Variants in CCDC50 observed in about 807,000 individuals in gnomAD.
CCDC50 encodes coiled-coil domain containing 50.
CCDC50 carries 54 observed loss-of-function variants against 70.2 expected under a neutral mutation model. The ratio of observed to expected loss-of-function variants is 0.77; its 90% confidence interval spans 0.62 to 0.96. CCDC50 has a LOEUF of 0.96. Among genes scored for constraint, CCDC50 ranks in the 50% least tolerant of loss-of-function variants. CCDC50 has a pLI of 0.00. For missense variants in CCDC50, 558 were observed against 578.7 expected (o/e 0.96, Z 0.37); for synonymous variants, 216 against 198.8 (o/e 1.09, Z -0.73).
At chr3:191,381,631 A>G (rs1447962811) in intron 9 of CCDC50, among the ~76,000 whole-genome samples, 2 of 152,160 alleles carry the variant, frequency 1.3e-5, no homozygotes, top group African/African-American at 4.8e-5. Flanking sequence ...ATAGTAGTGT[A>G]TAATGTAGAG....
intron 4 of CCDC50, among the ~76,000 whole-genome samples, chr3:191,366,748 A>T (rs1483187753): frequency 2.0e-5 from 3 of 151,818 alleles, no homozygotes; most frequent in Non-Finnish European, 4.4e-5. Flanking sequence ...CATGCTTTCT[A>T]TTGAAAGGTG....
At position 191,391,738 on chromosome 3, in the gene CCDC50, C is replaced by T. The variant is rs998017996; in HGVS notation, c.1430-3C>T. 8 of 1,612,876 alleles carry T rather than the reference C, an allele frequency of 5.0e-6. No individual in the cohort carries two copies. Among genetic ancestry groups the T allele is most frequent in the Non-Finnish European group, 5.9e-6 (7 of 1,179,296 alleles). On this transcript the variant is annotated splice_polypyrimidine_tract_variant and splice_region_variant and intron_variant, in intron 11 of 11. Coordinates refer to ENST00000392455, the MANE Select transcript of CCDC50 (RefSeq NM_178335.3). Reference sequence around the variant, plus strand: ...GTGTTTCCTTTTTTCTTCCCCTCCCCAGGTTTTCATTACAAACATTAAAAA... The same window carrying T: ...GTGTTTCCTTTTTTCTTCCCCTCCCTAGGTTTTCATTACAAACATTAAAAA...
Position 191,395,831 on chromosome 3 carries a change from A to G in CCDC50, c.*4071A>G, listed in dbSNP as rs944731299. The G allele has an allele frequency of 6.6e-6, 1 of 152,164 alleles. No individual in the cohort carries two copies. The highest frequency in any genetic ancestry group is 1.5e-5 in the Non-Finnish European group (1 of 68,002). 9.4% of individuals were successfully genotyped at this position (152,164 alleles called of 1,614,324 possible). A position where few individuals can be genotyped will look rare whatever the true frequency, so the allele number is the denominator to read the frequency against. On this transcript the variant is annotated 3_prime_UTR_variant, in exon 12 of 12. Transcript: ENST00000392455. ...AGAAGTGACTATATAAAATGGTCCAATTTTCTCATTTCTGGTGGTGCCTGT... is the reference window on the plus strand; with the variant it reads ...AGAAGTGACTATATAAAATGGTCCAGTTTTCTCATTTCTGGTGGTGCCTGT...
At chr3:191,366,776 G>GTT (rs1712707485) in intron 4 of CCDC50, among the ~76,000 whole-genome samples, 2 of 151,844 alleles carry the variant, frequency 1.3e-5, no homozygotes, top group African/African-American at 4.8e-5. Flanking sequence ...TTTGGATAAA[G>GTT]TTTTGAGGCC....
rs558737332 is a variant in CCDC50, at chr3:191,350,346, G to A, written c.50-6742G>A. On this transcript the variant is annotated intron_variant, in intron 1 of 11. Coordinates refer to ENST00000392455, the MANE Select transcript of CCDC50 (RefSeq NM_178335.3). ...GCATAATCCCTGCTTTCAAAGCAGAGTATATAGTCCCTCTGCTACTCATAG... is the reference window on the plus strand; with the variant it reads ...GCATAATCCCTGCTTTCAAAGCAGAATATATAGTCCCTCTGCTACTCATAG... Among the ~76,000 whole-genome samples the A allele has an allele frequency of 2.8e-5, 4 of 141,930 alleles. 1 individual carries two copies. The highest frequency in any genetic ancestry group is 1.9e-4 in the East Asian group (1 of 5,178). 93.1% of individuals were successfully genotyped at this position (141,930 alleles called of 152,430 possible).
At chr3:191,390,559 C>CTT (rs1432082791) in intron 11 of CCDC50, among the ~76,000 whole-genome samples, 1 of 152,232 alleles carries the variant, frequency 6.6e-6, no homozygotes, top group South Asian at 2.1e-4. Flanking sequence ...GGTTCCTCCC[C>CTT]TTTATAGACC....
chr3:191,385,367 A>G (rs193215264), intron 10 of CCDC50, among the ~76,000 whole-genome samples: 494 of 152,296 alleles, frequency 3.2e-3, no homozygotes, highest in African/African-American at 0.012. Context: ...AATTGTTGTC[A>G]GATAGTATCT....
intron 10 of CCDC50, among the ~76,000 whole-genome samples, chr3:191,383,419 CTT>C (rs59130355): frequency 6.9e-6 from 1 of 145,332 alleles, no homozygotes; most frequent in African/African-American, 2.5e-5. Context: ...GAAGTAACCT[CTT>C]TTTTTTTTTA....
chr3:191,352,463 T>C lies in CCDC50; in HGVS notation c.50-4625T>C, dbSNP rs895263385. ...ACTGTATATACAGGCATCCCTCATT[T>C]TATTGCACTTTGCTTTACTGCGCTT... On this transcript the variant is annotated intron_variant, in intron 1 of 11. Coordinates refer to ENST00000392455, the MANE Select transcript of CCDC50 (RefSeq NM_178335.3). Among the ~76,000 whole-genome samples, 3 of 142,452 alleles carry C rather than the reference T, an allele frequency of 2.1e-5. 1 individual carries two copies. Among genetic ancestry groups the C allele is most frequent in the Admixed American group, 1.4e-4 (2 of 13,954 alleles). 93.5% of individuals were successfully genotyped at this position (142,452 alleles called of 152,430 possible). A position where few individuals can be genotyped will look rare whatever the true frequency, so the allele number is the denominator to read the frequency against.
At chr3:191,364,400 C>T (rs548775969) in intron 4 of CCDC50, among the ~76,000 whole-genome samples, 2 of 151,262 alleles carry the variant, frequency 1.3e-5, no homozygotes, top group African/African-American at 4.9e-5. Context: ...CCTCTCAATG[C>T]TCTTCTGCTT....
chr3:191,342,503 T>A (rs1711766852), intron 1 of CCDC50, among the ~76,000 whole-genome samples: 1 of 152,206 alleles, frequency 6.6e-6, no homozygotes, highest in Non-Finnish European at 1.5e-5. Context: ...AGCTCTTTTG[T>A]CATATGAAGC....
chr3:191,378,137 A>C (rs147320893), intron 6 of CCDC50, among the ~76,000 whole-genome samples: 19 of 152,178 alleles, frequency 1.2e-4, no homozygotes, highest in African/African-American at 4.1e-4. Context: ...TTTTCTACTT[A>C]ATGAGATTTA....
rs1436994349 is a variant in CCDC50 at position 191,375,302 on chromosome 3, A to G, written c.689A>G (p.Gln230Arg). The G allele has an allele frequency of 1.2e-6, 2 of 1,613,794 alleles. No individual in the cohort carries two copies. Among genetic ancestry groups the G allele is most frequent in the South Asian group, 2.2e-5 (2 of 91,076 alleles). Residue 230 changes from glutamine (Q) to arginine (R), a missense_variant, in exon 6 of 12, where the codon CAG (glutamine) becomes CGG (arginine). By Grantham distance (43) the Gln-to-Arg change is conservative (BLOSUM62 1). Coordinates refer to ENST00000392455, the MANE Select transcript of CCDC50 (RefSeq NM_178335.3). Reference protein sequence around the residue: ...NEQHERKRSTQERPRRPLLPT... With the variant: ...NEQHERKRSTRERPRRPLLPT... Reference sequence around the variant, plus strand: ...CAGCATGAAAGGAAACGGTCCACTCAGGAGAGGCCTCGGAGACCTCTGCTT... The same window carrying G: ...CAGCATGAAAGGAAACGGTCCACTCGGGAGAGGCCTCGGAGACCTCTGCTT...
At chr3:191,384,366 T>C (rs540032094) in intron 10 of CCDC50, among the ~76,000 whole-genome samples, 1 of 152,314 alleles carries the variant, frequency 6.6e-6, no homozygotes, top group African/African-American at 2.4e-5. Flanking sequence ...CTTGCATATG[T>C]AGATACCTTG....
In CCDC50 at chr3:191,370,066, A is replaced by G; in HGVS notation, c.448+30A>G. On this transcript the variant is annotated intron_variant, in intron 5 of 11. Coordinates refer to ENST00000392455, the MANE Select transcript of CCDC50 (RefSeq NM_178335.3). Reference sequence around the variant, plus strand: ...CAATTCCTGCATCATGATCTATTCTATCCTTAGACTCAACCATAAAACACT... The same window carrying G: ...CAATTCCTGCATCATGATCTATTCTGTCCTTAGACTCAACCATAAAACACT... 3 of 1,427,928 alleles carry G rather than the reference A, an allele frequency of 2.1e-6. No homozygotes were observed. In the South Asian group the frequency reaches 3.4e-5, roughly 16 times the overall value. The allele number at this position is 1,427,928 out of a possible 1,614,324, so 88.5% of individuals were successfully genotyped here. A position where few individuals can be genotyped will look rare whatever the true frequency, so the allele number is the denominator to read the frequency against.
chr3:191,361,720 T>A (rs547626517), intron 4 of CCDC50, among the ~76,000 whole-genome samples: 1 of 152,326 alleles, frequency 6.6e-6, no homozygotes, highest in East Asian at 1.9e-4. Flanking sequence ...GCTTAACTAA[T>A]TACATCTGCA....
intron 10 of CCDC50, among the ~76,000 whole-genome samples, chr3:191,388,551 C>A (rs1713576526): frequency 6.6e-6 from 1 of 152,168 alleles, no homozygotes; most frequent in Non-Finnish European, 1.5e-5. Context: ...CCATGCTGAC[C>A]TCTTCGGGAT....
chr3:191,331,342 G>A (rs533094504), intron 1 of CCDC50, among the ~76,000 whole-genome samples: 1 of 152,176 alleles, frequency 6.6e-6, no homozygotes, highest in South Asian at 2.1e-4. Flanking sequence ...TTACCCTTAG[G>A]TCTTCTGATT....
At chr3:191,390,527 G>A (rs371210786) in intron 11 of CCDC50, among the ~76,000 whole-genome samples, 2 of 152,094 alleles carry the variant, frequency 1.3e-5, no homozygotes. Flanking sequence ...TGGGAAAGGG[G>A]TGGGCAAATC....
Sources: gnomAD v4.1 joint callset for allele counts (sites outside exome capture counted in the v4.1 genomes callset) on GRCh38, gnomAD v4.1.1 for gene constraint, MANE v1.5 for transcripts, NCBI Gene and HGNC (gene_info 2026-07-23, HGNC 2026-07-21) for gene names.